Variants in MAP3K7CL observed in about 807,000 individuals in gnomAD.
MAP3K7CL encodes the protein MAP3K7 C-terminal like, also known as MAP3K7 C-terminal-like protein.
A neutral mutation model predicts 18.6 loss-of-function variants in MAP3K7CL; 16 were observed. The ratio of observed to expected loss-of-function variants is 0.86; its 90% CI spans 0.58 to 1.31. The LOEUF (loss-of-function observed/expected upper bound fraction) is 1.31. Among genes scored for constraint, MAP3K7CL ranks in the 50% most tolerant of loss-of-function variants. The pLI is 0.00. For synonymous variants in MAP3K7CL, 65 were observed against 66.8 expected (o/e 0.97, Z 0.13); for missense variants, 163 against 174.4 (o/e 0.93, Z 0.37).
Position 29,078,810 on chromosome 21 carries a change from G to A in MAP3K7CL, c.-49+1097G>A, listed in dbSNP as rs547263556. On this transcript the variant is annotated intron_variant, in intron 1 of 7. Coordinates refer to the MAP3K7CL transcript ENST00000341618. ...GAGGTTGAGGGGAGACTCGGCCTAC[G>A]ACTACCATGTTGGTCCCACAGCTCC... Among the ~76,000 whole-genome samples the A allele has an allele frequency of 3.3e-5, 5 of 152,162 alleles. No individual in the cohort carries two copies. In the East Asian group the frequency reaches 7.7e-4, roughly 23 times the overall value.
At chr21:29,082,736 A>G (rs1463164376), upstream of MAP3K7CL, among the ~76,000 whole-genome samples, 1 of 152,198 alleles carries the variant, frequency 6.6e-6, no homozygotes, top group Admixed American at 6.5e-5. Flanking sequence ...GTTGAGGACA[A>G]TAGTGCAGTC....
At chr21:29,170,025 T>C (rs762734595) in intron 4 of MAP3K7CL, among the ~76,000 whole-genome samples, 1 of 152,176 alleles carries the variant, frequency 6.6e-6, no homozygotes, top group Non-Finnish European at 1.5e-5. Context: ...ACGATACAAA[T>C]AGAACCAATA....
chr21:29,131,613 G>A (rs1057500870), intron 1 of MAP3K7CL: 1 of 152,046 alleles, frequency 6.6e-6, no homozygotes, highest in Non-Finnish European at 1.5e-5. Flanking sequence ...TTCTAACTTA[G>A]AATTACATGA....
chr21:29,089,474 A>T (rs140123023), intron 1 of MAP3K7CL, among the ~76,000 whole-genome samples: 1 of 152,352 alleles, frequency 6.6e-6, no homozygotes, highest in African/African-American at 2.4e-5. Flanking sequence ...AAAAAATGAG[A>T]AAAAGATTTC....
intron 3 of MAP3K7CL, among the ~76,000 whole-genome samples, chr21:29,153,486 C>T (rs2087325639): frequency 6.6e-6 from 1 of 152,122 alleles, no homozygotes; most frequent in South Asian, 2.1e-4. Flanking sequence ...CTTGCTCTGT[C>T]ACCCAGGCCA....
chr21:29,104,940 G>T (rs879607603), intron 4 of MAP3K7CL, among the ~76,000 whole-genome samples: 27 of 152,188 alleles, frequency 1.8e-4, no homozygotes, highest in Non-Finnish European at 3.7e-4. Context: ...TGAATCACCA[G>T]CTCTCCTGGA....
chr21:29,142,607 A>G (rs1003742356), intron 2 of MAP3K7CL, among the ~76,000 whole-genome samples: 1 of 152,174 alleles, frequency 6.6e-6, no homozygotes, highest in South Asian at 2.1e-4. Flanking sequence ...ACTCACATAT[A>G]TACACACACA....
chr21:29,136,269 A>G (rs1256324766), intron 2 of MAP3K7CL, among the ~76,000 whole-genome samples: 1 of 152,180 alleles, frequency 6.6e-6, no homozygotes, highest in Non-Finnish European at 1.5e-5. Context: ...GTGGAGTGTC[A>G]CACAGGAAAA....
At chr21:29,085,667 GA>G (rs567705538), upstream of MAP3K7CL, 183 of 377,468 alleles carry the variant, frequency 4.8e-4, no homozygotes, top group African/African-American at 3.4e-3. Flanking sequence ...CATTTATGTA[GA>G]AAACCTCGTT....
chr21:29,136,909 A>G (rs2086898070), intron 2 of MAP3K7CL, among the ~76,000 whole-genome samples: 2 of 151,916 alleles, frequency 1.3e-5, no homozygotes, highest in South Asian at 4.1e-4. Context: ...TTTAGTGTAG[A>G]GGTTAAGGAT....
At position 29,130,785 on chromosome 21, in the gene MAP3K7CL, C is replaced by T. The variant is rs1428775940; in HGVS notation, c.-178C>T. 4.1e-6 allele frequency: 4 copies of T among 985,396 alleles called. No homozygotes were observed. The highest frequency in any genetic ancestry group is 4.8e-6 in the Non-Finnish European group (4 of 830,012). 61.0% of individuals were successfully genotyped at this position (985,396 alleles called of 1,614,324 possible). On this transcript the variant is annotated 5_prime_UTR_variant, in exon 1 of 5. Coordinates refer to ENST00000399928, the MANE Select transcript of MAP3K7CL (RefSeq NM_001286620.2). ...AGCGTGCTGCCCTGACAGCTGTCTC[C>T]GCTCCTCAGATTGTCAGTGGCTGCT... is the stretch of plus-strand genomic sequence containing the variant.
chr21:29,138,107 A>T (rs1434788188), intron 2 of MAP3K7CL, among the ~76,000 whole-genome samples: 3 of 152,190 alleles, frequency 2.0e-5, no homozygotes, highest in Non-Finnish European at 2.9e-5. Context: ...GAGCTGTAAG[A>T]CTTTGAATAG....
At chr21:29,132,602 C>T (rs750539501) in intron 1 of MAP3K7CL, among the ~76,000 whole-genome samples, 4 of 152,008 alleles carry the variant, frequency 2.6e-5, no homozygotes, top group South Asian at 2.1e-4. Context: ...CTCTGCCTCC[C>T]GGGTTCAAGC....
At chr21:29,102,679 T>G (rs1009268333) in intron 4 of MAP3K7CL, 10 of 152,148 alleles carry the variant, frequency 6.6e-5, no homozygotes, top group African/African-American at 2.2e-4. Flanking sequence ...GGGGGGAGAC[T>G]AGGTTCCCTT....
chr21:29,130,562 T>G (rs560665191), upstream of MAP3K7CL: 15 of 981,436 alleles, frequency 1.5e-5, no homozygotes, highest in Non-Finnish European at 1.8e-5. Flanking sequence ...ATTAAAACAT[T>G]TGGACTCCCC....
chr21:29,153,452 C>CT (rs2087324542), intron 3 of MAP3K7CL, among the ~76,000 whole-genome samples: 1 of 152,062 alleles, frequency 6.6e-6, no homozygotes, highest in Non-Finnish European at 1.5e-5. Context: ...TATTCTCTTT[C>CT]TTTTTTATGT....
chr21:29,096,016 T>C (rs1477702884), intron 4 of MAP3K7CL, among the ~76,000 whole-genome samples: 2 of 152,194 alleles, frequency 1.3e-5, no homozygotes, highest in East Asian at 1.9e-4. Flanking sequence ...ATTGATTTTC[T>C]GCATGAAAAA....
intron 4 of MAP3K7CL, among the ~76,000 whole-genome samples, chr21:29,113,606 A>C (rs1039428971): frequency 6.6e-6 from 1 of 152,162 alleles, no homozygotes; most frequent in Admixed American, 6.5e-5. Flanking sequence ...GCTCACTGCA[A>C]CCTCTGCCTC....
upstream of MAP3K7CL, among the ~76,000 whole-genome samples, chr21:29,129,212 A>C (rs1314650576): frequency 6.6e-6 from 1 of 152,258 alleles, no homozygotes; most frequent in East Asian, 1.9e-4. Flanking sequence ...AGTTTACATT[A>C]GGGTTCACTC....
Sources: gnomAD v4.1 joint callset for allele counts (sites outside exome capture counted in the v4.1 genomes callset) on GRCh38, gnomAD v4.1.1 for gene constraint, MANE v1.5 for transcripts, NCBI Gene and HGNC (gene_info 2026-07-23, HGNC 2026-07-21) for gene names.